Variants in TRHDE observed in about 807,000 individuals in gnomAD.
TRHDE encodes the protein thyrotropin releasing hormone degrading enzyme, also known as thyrotropin-releasing hormone-degrading ectoenzyme.
TRHDE carries 72 observed loss-of-function variants against 125.7 expected under a neutral mutation model. The observed-to-expected ratio is 0.57, with a 90% CI of 0.47 to 0.70. TRHDE has a LOEUF of 0.70. Among genes scored for constraint, TRHDE ranks in the 30% least tolerant of loss-of-function variants. The pLI, the probability that TRHDE is intolerant of heterozygous loss-of-function variation, is 0.00. For synonymous variants in TRHDE, 509 were observed against 509.1 expected, an observed-to-expected ratio of 1.00 and a Z score of 0.00; for missense variants, 1,110 against 1,327.1, an observed-to-expected ratio of 0.84 and a Z score of 2.54.
intron 2 of TRHDE, among the ~76,000 whole-genome samples, chr12:72,185,107 G>A (rs1268990799): frequency 1.3e-5 from 2 of 152,186 alleles, no homozygotes; most frequent in South Asian, 2.1e-4. Flanking sequence ...CTGGGTGGGC[G>A]TGGGCTTGGC....
chr12:72,478,107 G>A (rs537598763), intron 5 of TRHDE, among the ~76,000 whole-genome samples: 1 of 152,240 alleles, frequency 6.6e-6, no homozygotes, highest in Non-Finnish European at 1.5e-5. Context: ...AGTTCAGTCT[G>A]CAAAATAACT....
intron 2 of TRHDE, among the ~76,000 whole-genome samples, chr12:72,365,304 ACT>A (rs1465224788): frequency 6.6e-6 from 1 of 151,958 alleles, no homozygotes; most frequent in African/African-American, 2.4e-5. Flanking sequence ...TTTTCAGGTG[ACT>A]CTAGTCCAGT....
At chr12:72,503,006 C>T (rs1878217351) in intron 6 of TRHDE, among the ~76,000 whole-genome samples, 2 of 152,020 alleles carry the variant, frequency 1.3e-5, no homozygotes, top group South Asian at 4.1e-4. Flanking sequence ...TATAAGAAAA[C>T]TAGTATGTGC....
At chr12:72,175,110 G>A (rs1283783840) in intron 2 of TRHDE, among the ~76,000 whole-genome samples, 1 of 152,092 alleles carries the variant, frequency 6.6e-6, no homozygotes, top group Non-Finnish European at 1.5e-5. Flanking sequence ...TATTCATGTT[G>A]AATAGTTGAA....
chr12:72,323,657 T>C (rs543775790), intron 2 of TRHDE, among the ~76,000 whole-genome samples: 2 of 152,240 alleles, frequency 1.3e-5, no homozygotes, highest in South Asian at 4.1e-4. Flanking sequence ...TTGGGAAGGC[T>C]TGGTGCCAAA....
At chr12:72,356,089 G>T (rs1004652612) in intron 2 of TRHDE, among the ~76,000 whole-genome samples, 11 of 151,672 alleles carry the variant, frequency 7.3e-5, no homozygotes, top group African/African-American at 2.4e-4. Context: ...ACATGCAAGA[G>T]AATGTTCATT....
intron 3 of TRHDE, among the ~76,000 whole-genome samples, chr12:72,390,836 C>T (rs1022452459): frequency 6.6e-6 from 1 of 152,044 alleles, no homozygotes; most frequent in South Asian, 2.1e-4. Context: ...TAATAAAAAT[C>T]TTTGCTGTAA....
intron 5 of TRHDE, among the ~76,000 whole-genome samples, chr12:72,478,941 A>AC (rs1877030972): frequency 1.3e-5 from 2 of 149,602 alleles, no homozygotes; most frequent in South Asian, 2.1e-4. Context: ...AAAAAAAAAA[A>AC]CAAAAACAGT....
intron 1 of TRHDE, among the ~76,000 whole-genome samples, chr12:72,275,085 A>C (rs1471642361): frequency 6.6e-6 from 1 of 152,236 alleles, no homozygotes; most frequent in East Asian, 1.9e-4. Flanking sequence ...TTCTCAGGTG[A>C]TTCTCACAAC....
At chr12:72,093,505 T>G (rs936735873) in intron 1 of TRHDE, among the ~76,000 whole-genome samples, 3 of 152,118 alleles carry the variant, frequency 2.0e-5, no homozygotes, top group African/African-American at 7.2e-5. Context: ...ACTTTTTTAC[T>G]CCTTTTCATT....
chr12:72,250,417 G>A (rs1213653745), intron 2 of TRHDE, among the ~76,000 whole-genome samples: 2 of 152,112 alleles, frequency 1.3e-5, no homozygotes, highest in African/African-American at 4.8e-5. Flanking sequence ...GGATCACGCT[G>A]GCTTCAGAGT....
At position 72,126,800 on chromosome 12, in the gene TRHDE, ATGAGCAAGTCC is replaced by A. The variant is rs1240495779; in HGVS notation, n.279+21052_279+21062del. ...GGACATTGGCTTTGGGAAAGAATTT[ATGAGCAAGTCC>A]TGAAAAGCAATTGTGACATAACTGA... On this transcript the variant is annotated intron_variant and non_coding_transcript_variant, in intron 2 of 4. Transcript: ENST00000548156. Among the ~76,000 whole-genome samples, 3 of 152,324 alleles carry A rather than the reference ATGAGCAAGTCC, an allele frequency of 2.0e-5. No individual in the cohort carries two copies. The East Asian group carries it at 5.8e-4, about 29-fold the overall frequency.
rs1592605597 is a variant in TRHDE, at chr12:72,670,690, T to G, written c.*7495T>G. 1 of 151,798 alleles carries G rather than the reference T, an allele frequency of 6.6e-6. No homozygotes were observed. The highest frequency in any genetic ancestry group is 1.5e-5 in the Non-Finnish European group (1 of 67,852). The allele number at this position is 151,798 out of a possible 1,614,324, so 9.4% of individuals were successfully genotyped here. ...AATAAAAACATATATTTGTGCTATATTGTAAAAATAAAAACAATTTGTTCT... is the reference window on the plus strand; with the variant it reads ...AATAAAAACATATATTTGTGCTATAGTGTAAAAATAAAAACAATTTGTTCT... On this transcript the variant is annotated 3_prime_UTR_variant, in exon 19 of 19. Transcript: ENST00000261180.
At chr12:72,297,477 C>A (rs1240535040) in intron 2 of TRHDE, among the ~76,000 whole-genome samples, 1 of 152,032 alleles carries the variant, frequency 6.6e-6, no homozygotes, top group Non-Finnish European at 1.5e-5. Flanking sequence ...AGTAAAGTAA[C>A]CAAAAGGTTG....
chr12:72,403,928 A>G (rs964056375), intron 3 of TRHDE, among the ~76,000 whole-genome samples: 15 of 152,116 alleles, frequency 9.9e-5, no homozygotes, highest in African/African-American at 3.4e-4. Flanking sequence ...TTGACTATGG[A>G]TAGGAAGAAA....
At chr12:72,623,610 C>G (rs1560742) in intron 15 of TRHDE, among the ~76,000 whole-genome samples, 51,012 of 151,874 alleles carry the variant, frequency 0.34, 12,675 homozygotes, top group African/African-American at 0.69. Context: ...GTTTTATTTT[C>G]AAGTAAGAAC....
chr12:72,349,792 T>C (rs1001575529), intron 2 of TRHDE, among the ~76,000 whole-genome samples: 1 of 151,990 alleles, frequency 6.6e-6, no homozygotes, highest in Non-Finnish European at 1.5e-5. Context: ...TCTGATTAGG[T>C]CTTGCCCTGT....
intron 2 of TRHDE, among the ~76,000 whole-genome samples, chr12:72,266,148 ATGAT>A (rs1300473513): frequency 2.0e-5 from 3 of 152,088 alleles, no homozygotes; most frequent in African/African-American, 7.2e-5. Context: ...TGGGGAATAA[ATGAT>A]TGGAAGACAG....
intron 3 of TRHDE, among the ~76,000 whole-genome samples, chr12:72,382,104 G>T (rs747050869): frequency 6.6e-6 from 1 of 152,158 alleles, no homozygotes; most frequent in Non-Finnish European, 1.5e-5. Flanking sequence ...ACTACTGAGC[G>T]GGAGCATGTA....
Sources: gnomAD v4.1 joint callset for allele counts (sites outside exome capture counted in the v4.1 genomes callset) on GRCh38, gnomAD v4.1.1 for gene constraint, MANE v1.5 for transcripts, NCBI Gene and HGNC (gene_info 2026-07-23, HGNC 2026-07-21) for gene names.